Variants in GRAMD1C observed in about 807,000 individuals in gnomAD.
GRAMD1C encodes the protein GRAM domain containing 1C.
A neutral mutation model predicts 97.8 loss-of-function variants in GRAMD1C; 89 were observed. That is an observed-to-expected ratio of 0.91 (90% CI 0.77 to 1.09). The LOEUF (loss-of-function observed/expected upper bound fraction) is 1.09. Among genes scored for constraint, GRAMD1C ranks in the 50% least tolerant of loss-of-function variants. The probability of loss-of-function intolerance (pLI) is 0.00; values close to 1 mark genes in which losing one functional copy is unlikely to be tolerated. For synonymous variants in GRAMD1C, 256 were observed against 267.0 expected, an observed-to-expected ratio of 0.96 and a Z score of 0.40; for missense variants, 740 against 766.4, an observed-to-expected ratio of 0.97 and a Z score of 0.41.
intron 6 of GRAMD1C, among the ~76,000 whole-genome samples, chr3:113,893,720 A>C (rs1204475428): frequency 1.3e-5 from 2 of 152,230 alleles, no homozygotes; most frequent in African/African-American, 4.8e-5. Flanking sequence ...CCTTTGTCAA[A>C]GTAAATATTG....
intron 6 of GRAMD1C, among the ~76,000 whole-genome samples, chr3:113,889,126 G>T (rs895586606): frequency 6.6e-6 from 1 of 152,144 alleles, no homozygotes; most frequent in Admixed American, 6.5e-5. Context: ...CTTGAACCGG[G>T]TAGGCAGAGG....
At chr3:113,935,662 CT>C (rs992519217) in intron 13 of GRAMD1C, among the ~76,000 whole-genome samples, 3 of 151,630 alleles carry the variant, frequency 2.0e-5, no homozygotes, top group Admixed American at 2.0e-4. Flanking sequence ...GATAATTTTT[CT>C]TGCCTTTCTT....
chr3:113,888,377 C>A (rs1173329305), intron 6 of GRAMD1C, among the ~76,000 whole-genome samples: 1 of 152,170 alleles, frequency 6.6e-6, no homozygotes, highest in Non-Finnish European at 1.5e-5. Context: ...TACAAAGTTT[C>A]ATTTATGCAA....
At chr3:113,866,786 T>C (rs1025398) in intron 2 of GRAMD1C, among the ~76,000 whole-genome samples, 50,161 of 151,874 alleles carry the variant, frequency 0.33, 8,794 homozygotes, top group Admixed American at 0.38. Context: ...TATTATCCCA[T>C]AAACCCAGCA....
Position 113,904,170 on chromosome 3 carries a change from T to C in GRAMD1C, c.687T>C (p.Ser229=). Residue 229 remains serine (S), a synonymous_variant, in exon 8 of 18, where the codon TCT becomes TCC. Transcript: ENST00000358160. ...CAGGAAGAAGCAGCTTGGATGACTC[T>C]GGGGAGAGAGATGAAAAATTATCCA... is the stretch of plus-strand genomic sequence containing the variant. The part of the protein sequence containing the change: ...RSPGRSSLDD[S]GERDEKLSKS... 1.2e-6 allele frequency: 2 copies of C among 1,609,908 alleles called. No individual in the cohort carries two copies. The highest frequency in any genetic ancestry group is 1.7e-5 in the Admixed American group (1 of 60,014).
At chr3:113,882,289 T>C (rs1935298245) in intron 5 of GRAMD1C, among the ~76,000 whole-genome samples, 1 of 152,216 alleles carries the variant, frequency 6.6e-6, no homozygotes, top group Admixed American at 6.5e-5. Context: ...CCATGAAAAC[T>C]GATATAATTA....
chr3:113,934,985 A>G (rs9871131), intron 13 of GRAMD1C, among the ~76,000 whole-genome samples: 56,896 of 151,744 alleles, frequency 0.37, 10,898 homozygotes, highest in Middle Eastern at 0.43. Context: ...CTCATGATCC[A>G]CCCGCCCAGC....
chr3:113,900,530 C>T (rs1936127877), intron 6 of GRAMD1C, among the ~76,000 whole-genome samples: 2 of 150,264 alleles, frequency 1.3e-5, no homozygotes, highest in African/African-American at 2.4e-5. Flanking sequence ...AATCGATTCT[C>T]CTGCCTCAGC....
intron 13 of GRAMD1C, 64 bp from the exon 14 acceptor site, chr3:113,936,202 C>T (rs1454749647): frequency 2.2e-6 from 2 of 905,742 alleles, no homozygotes; most frequent in African/African-American, 3.4e-5. Flanking sequence ...ACCACCAAAA[C>T]CCATTGTATC....
At chr3:113,847,193 CTTT>C (rs994279846) in intron 2 of GRAMD1C, among the ~76,000 whole-genome samples, 4 of 152,006 alleles carry the variant, frequency 2.6e-5, no homozygotes, top group African/African-American at 9.7e-5. Context: ...AAACCCAGAC[CTTT>C]GTTTTTATAT....
At chr3:113,885,879 C>T in intron 6 of GRAMD1C, 25 of 1,612,576 alleles carry the variant, frequency 1.6e-5, no homozygotes, top group Non-Finnish European at 2.0e-5. Context: ...TTACAGGAGC[C>T]ATCCAGACAA....
chr3:113,845,570 A>G (rs1385106611), intron 2 of GRAMD1C, among the ~76,000 whole-genome samples: 3 of 152,034 alleles, frequency 2.0e-5, no homozygotes, highest in Non-Finnish European at 4.4e-5. Context: ...GTGGTGGCAC[A>G]TGCCTACAGG....
chr3:113,877,385 A>T (rs1935088414), intron 5 of GRAMD1C, among the ~76,000 whole-genome samples: 1 of 152,210 alleles, frequency 6.6e-6, no homozygotes, highest in African/African-American at 2.4e-5. Context: ...AATTTCCATA[A>T]CTATCCCAAT....
At chr3:113,837,800 C>T (rs1364140824), upstream of GRAMD1C, among the ~76,000 whole-genome samples, 1 of 152,132 alleles carries the variant, frequency 6.6e-6, no homozygotes, top group Admixed American at 6.5e-5. Context: ...CCCAGCTACT[C>T]GAGAGGCTGA....
intron 14 of GRAMD1C, chr3:113,936,654 T>C (rs946039058): frequency 4.8e-5 from 19 of 396,422 alleles, no homozygotes; most frequent in Non-Finnish European, 7.1e-5. Flanking sequence ...CAATATATTT[T>C]ATTTGGCCCA....
chr3:113,916,142 A>G (rs1390102010), intron 10 of GRAMD1C, among the ~76,000 whole-genome samples: 1 of 152,230 alleles, frequency 6.6e-6, no homozygotes, highest in Non-Finnish European at 1.5e-5. Context: ...TTTCATGTGA[A>G]ACAACTGAAT....
intron 1 of GRAMD1C, among the ~76,000 whole-genome samples, chr3:113,829,268 A>C (rs1709528249): frequency 6.8e-6 from 1 of 147,762 alleles, no homozygotes; most frequent in Admixed American, 6.7e-5. Flanking sequence ...CAAAACAAAC[A>C]AACAAACAAA....
chr3:113,887,096 G>GTT (rs59820635), intron 6 of GRAMD1C, among the ~76,000 whole-genome samples: 9 of 94,046 alleles, frequency 9.6e-5, no homozygotes, highest in African/African-American at 2.4e-4. Context: ...TTTTTTTTTT[G>GTT]TTTTTTTTTT....
Position 113,939,866 on chromosome 3 carries a change from A to G in GRAMD1C, c.1692-20A>G. 7.8e-7 allele frequency: 1 copy of G among 1,285,282 alleles called. No individual in the cohort carries two copies. The highest frequency in any genetic ancestry group is 1.1e-6 in the Non-Finnish European group (1 of 880,802). The allele number at this position is 1,285,282 out of a possible 1,614,324, so 79.6% of individuals were successfully genotyped here. On this transcript the variant is annotated intron_variant, in intron 15 of 17. Transcript: ENST00000358160. ...TAGGTCTGGAAAAGTGTGGATTAAC[A>G]TATAATTTGCTCTGCCTAGTGTGTT...
Sources: allele counts gnomAD v4.1 joint callset (sites outside exome capture counted in the v4.1 genomes callset), GRCh38; gene constraint gnomAD v4.1.1; transcripts MANE v1.5; gene names NCBI Gene and HGNC (gene_info 2026-07-23, HGNC 2026-07-21).